The following ALG5 variants were observed in gnomAD, a reference collection of about 807,000 sequenced individuals.
The protein encoded by ALG5 is ALG5 dolichyl-phosphate beta-glucosyltransferase.
Under a neutral mutation model 51.8 loss-of-function variants are expected in ALG5, and 26 were observed. The observed-to-expected ratio is 0.50, with a 90% CI of 0.37 to 0.70. ALG5 has a LOEUF of 0.70. ALG5 is among the 30% of genes least tolerant of loss of function. ALG5 has a pLI of 0.00. For synonymous variants in ALG5, 141 were observed against 136.1 expected (o/e 1.04, Z -0.25); for missense variants, 311 against 399.3 (o/e 0.78, Z 1.88).
At chr13:36,976,600 T>G (rs372739278) in intron 6 of ALG5, among the ~76,000 whole-genome samples, 1 of 151,816 alleles carries the variant, frequency 6.6e-6, no homozygotes, top group Non-Finnish European at 1.5e-5. Flanking sequence ...ATACATAAAT[T>G]AGCCGGCTGT....
At chr13:36,976,500 C>A (rs1263540685) in intron 6 of ALG5, among the ~76,000 whole-genome samples, 3 of 149,794 alleles carry the variant, frequency 2.0e-5, no homozygotes, top group Non-Finnish European at 4.4e-5. Context: ...ATAATCCCAG[C>A]ACTTTGGGAG....
At chr13:36,985,361 A>C (rs1241824024) in intron 6 of ALG5, among the ~76,000 whole-genome samples, 1 of 152,162 alleles carries the variant, frequency 6.6e-6, no homozygotes, top group Non-Finnish European at 1.5e-5. Context: ...TGCACAATAA[A>C]TATTAAAACT....
intron 1 of ALG5, among the ~76,000 whole-genome samples, chr13:36,998,131 T>C (rs1256401234): frequency 6.6e-6 from 1 of 152,136 alleles, no homozygotes; most frequent in Non-Finnish European, 1.5e-5. Flanking sequence ...ATAAAATCTG[T>C]GCAAAAGACC....
intron 6 of ALG5, among the ~76,000 whole-genome samples, chr13:36,975,422 T>C (rs1218753882): frequency 6.6e-6 from 1 of 152,246 alleles, no homozygotes; most frequent in East Asian, 1.9e-4. Context: ...TCCTCTAAAC[T>C]GGTAGTTAGA....
intron 7 of ALG5, among the ~76,000 whole-genome samples, chr13:36,968,732 T>A (rs2058906792): frequency 6.6e-6 from 1 of 152,266 alleles, no homozygotes; most frequent in Non-Finnish European, 1.5e-5. Context: ...AATTTTCTCA[T>A]TGTCCACAGA....
chr13:36,990,982 T>C (rs2059022936), intron 4 of ALG5, among the ~76,000 whole-genome samples: 1 of 152,208 alleles, frequency 6.6e-6, no homozygotes, highest in Non-Finnish European at 1.5e-5. Context: ...TGGAAATCAG[T>C]TCACATAAGC....
intron 9 of ALG5, among the ~76,000 whole-genome samples, chr13:36,951,797 A>G (rs1056174778): frequency 6.6e-6 from 1 of 152,108 alleles, no homozygotes; most frequent in African/African-American, 2.4e-5. Flanking sequence ...TTAGTTATTT[A>G]TTTTTTCAGA....
At chr13:36,965,138 C>G (rs185896068) in intron 8 of ALG5, among the ~76,000 whole-genome samples, 15 of 152,120 alleles carry the variant, frequency 9.9e-5, no homozygotes, top group Non-Finnish European at 1.8e-4. Flanking sequence ...GCTGAATACA[C>G]AAGAGATGAA....
At chr13:36,979,420 A>G (rs1409817537) in intron 6 of ALG5, among the ~76,000 whole-genome samples, 4 of 152,220 alleles carry the variant, frequency 2.6e-5, no homozygotes, top group Non-Finnish European at 5.9e-5. Context: ...TGAAACAAAC[A>G]TACCAGCTTC....
rs370840565 is a variant in ALG5 at position 36,952,471 on chromosome 13, A to G, written c.859+43T>C. ...CCAGCTGACTTTACTAAACAACTGT[A>G]TTATCTGACTCAAGACAATCATACA... is the stretch of plus-strand genomic sequence containing the variant. On this transcript the variant is annotated intron_variant, in intron 9 of 9. Coordinates refer to ENST00000239891, the MANE Select transcript of ALG5 (RefSeq NM_013338.5). 1.6e-5 allele frequency: 22 copies of G among 1,409,042 alleles called. No homozygotes were observed. The African/African-American group carries it at 2.9e-4, about 18-fold the overall frequency. The allele number at this position is 1,409,042 out of a possible 1,614,324, so 87.3% of individuals were successfully genotyped here.
chr13:36,982,119 A>G (rs1227281955), intron 6 of ALG5, among the ~76,000 whole-genome samples: 1 of 152,108 alleles, frequency 6.6e-6, no homozygotes, highest in Admixed American at 6.6e-5. Context: ...AAACAACAAC[A>G]ACAAAAACCG....
At chr13:36,967,222 C>CAAAAA (rs1370057490) in intron 7 of ALG5, among the ~76,000 whole-genome samples, 1 of 64,198 alleles carries the variant, frequency 1.6e-5, no homozygotes. Context: ...GACTCCAACT[C>CAAAAA]AAAAAAAAAA....
Position 36,966,437 on chromosome 13 carries a change from A to C in ALG5, c.622-711T>G, listed in dbSNP as rs533494814. Among the ~76,000 whole-genome samples, 106 of 152,368 alleles carry C rather than the reference A, an allele frequency of 7.0e-4. 1 individual carries two copies. Among genetic ancestry groups the C allele is most frequent in the African/African-American group, 2.4e-3 (100 of 41,578 alleles). ...GCACATTTTAAAACATAAGAACATA[A>C]GATTATTATCACTGGATTCCAGACT... On this transcript the variant is annotated intron_variant, in intron 7 of 9. Coordinates refer to ENST00000239891, the MANE Select transcript of ALG5 (RefSeq NM_013338.5).
At chr13:36,991,144 T>C (rs533888830) in intron 4 of ALG5, among the ~76,000 whole-genome samples, 18 of 152,114 alleles carry the variant, frequency 1.2e-4, no homozygotes, top group African/African-American at 4.3e-4. Context: ...TTAGCAGTAT[T>C]TGAGATTTCC....
chr13:36,990,917 C>T (rs1290685330), intron 4 of ALG5, among the ~76,000 whole-genome samples: 1 of 152,222 alleles, frequency 6.6e-6, no homozygotes, highest in Non-Finnish European at 1.5e-5. Flanking sequence ...GTCCCCACAT[C>T]TCTACCCTGA....
chr13:36,961,276 G>A (rs549561312), intron 8 of ALG5, among the ~76,000 whole-genome samples: 44 of 152,144 alleles, frequency 2.9e-4, no homozygotes, highest in African/African-American at 8.4e-4. Flanking sequence ...TTAGCTGGGC[G>A]TGATGGCATG....
At chr13:36,960,932 A>G (rs1463610192) in intron 8 of ALG5, among the ~76,000 whole-genome samples, 1 of 151,986 alleles carries the variant, frequency 6.6e-6, no homozygotes, top group African/African-American at 2.4e-5. Context: ...GGTGTGAACC[A>G]CTACACCTGG....
chr13:36,995,640 T>C (rs2138832206), intron 1 of ALG5, 44 bp from the exon 2 acceptor site: 1 of 1,548,258 alleles, frequency 6.5e-7, no homozygotes, highest in East Asian at 2.2e-5. Flanking sequence ...GAAATTATGT[T>C]TTGCTGACTT....
chr13:36,972,819 C>T (rs187257375), intron 6 of ALG5, among the ~76,000 whole-genome samples: 3 of 151,958 alleles, frequency 2.0e-5, no homozygotes, highest in Admixed American at 2.0e-4. Flanking sequence ...AGCGAAACCC[C>T]GTCTCTACTA....
Sources: gnomAD v4.1 joint callset for allele counts (sites outside exome capture counted in the v4.1 genomes callset) on GRCh38, gnomAD v4.1.1 for gene constraint, MANE v1.5 for transcripts, NCBI Gene and HGNC (gene_info 2026-07-23, HGNC 2026-07-21) for gene names.